The following RBFA variants were observed in gnomAD, a reference collection of about 807,000 sequenced individuals.
The protein encoded by RBFA is putative ribosome-binding factor A, mitochondrial.
In RBFA, 16 loss-of-function variants were observed where a neutral mutation model predicts 27.9. That is an observed-to-expected ratio of 0.57 (90% CI 0.39 to 0.87). RBFA has a LOEUF of 0.87. RBFA is among the 40% of genes least tolerant of loss of function. RBFA has a pLI of 0.00. For missense variants in RBFA, 456 were observed against 432.1 expected, an observed-to-expected ratio of 1.06 and a Z score of -0.49; for synonymous variants, 181 against 181.0, an observed-to-expected ratio of 1.00 and a Z score of 0.00.
chr18:80,034,961 C>T (rs879013765), intron 1 of RBFA: 1 of 329,694 alleles, frequency 3.0e-6, no homozygotes, highest in South Asian at 3.8e-5. Flanking sequence ...AATTTCCTTG[C>T]TAATGTTGAC....
chr18:80,047,594 A>T lies in RBFA; in HGVS notation c.*1439A>T, dbSNP rs2052064935. Among the ~76,000 whole-genome samples, 1 of 152,250 alleles carries T rather than the reference A, an allele frequency of 6.6e-6. No homozygotes were observed. The highest frequency in any genetic ancestry group is 6.5e-5 in the Admixed American group (1 of 15,288). On this transcript the variant is annotated 3_prime_UTR_variant, in exon 7 of 7. Transcript: ENST00000306735. Reference sequence around the variant, plus strand: ...ACTCTACACTCTTATTTCCTATATCAGGATGGGGAGGCCACTACCTCAGGC... The same window carrying T: ...ACTCTACACTCTTATTTCCTATATCTGGATGGGGAGGCCACTACCTCAGGC...
chr18:80,045,728 AGG>A, intron 6 of RBFA, 44 bp from the exon 7 acceptor site: 1 of 1,494,218 alleles, frequency 6.7e-7, no homozygotes, highest in Non-Finnish European at 8.9e-7. Context: ...ACTGTGGACT[AGG>A]GGCATGGTTT....
In RBFA at chr18:80,037,458, C is replaced by A. The variant is rs775229988; in HGVS notation, c.330C>A (p.Thr110=). 1.2e-6 allele frequency: 2 copies of A among 1,614,086 alleles called. No individual in the cohort carries two copies. The highest frequency in any genetic ancestry group is 1.1e-5 in the South Asian group (1 of 91,074). Reference sequence around the variant, plus strand: ...AGGCACTGACAGACCTGCTGTGTACCCCTGAAGTGAGTCAGGAGCTGTATG... The same window carrying A: ...AGGCACTGACAGACCTGCTGTGTACACCTGAAGTGAGTCAGGAGCTGTATG... ...LYKALTDLLC[T]PEVSQELYDL... is the part of the protein sequence containing the mutation. Residue 110 remains threonine, a synonymous_variant, in exon 3 of 7, where the codon ACC becomes ACA. Transcript: ENST00000306735.
chr18:80,044,353 A>G (rs1190248387), intron 6 of RBFA, 68 bp downstream of exon 6: 2 of 1,395,770 alleles, frequency 1.4e-6, no homozygotes, highest in Admixed American at 3.4e-5. Flanking sequence ...ACCATTTTCC[A>G]GAGCAGCTGC....
chr18:80,044,601 T>G (rs902293853), intron 6 of RBFA, among the ~76,000 whole-genome samples: 1 of 152,214 alleles, frequency 6.6e-6, no homozygotes. Flanking sequence ...GTCAAGCACT[T>G]AGGATGCAGC....
chr18:80,040,505 C>T (rs1378071234), intron 4 of RBFA, among the ~76,000 whole-genome samples: 1 of 152,062 alleles, frequency 6.6e-6, no homozygotes, highest in Non-Finnish European at 1.5e-5. Context: ...GCCTGAGCCT[C>T]CCAAAGTGTT....
chr18:80,034,478 G>A lies in RBFA; in HGVS notation c.-18G>A. 6.6e-7 allele frequency: 1 copy of A among 1,510,568 alleles called. No homozygotes were observed. Among genetic ancestry groups the A allele is most frequent in the Non-Finnish European group, 8.8e-7 (1 of 1,139,720 alleles). 93.6% of individuals were successfully genotyped at this position (1,510,568 alleles called of 1,614,324 possible). ...CGCCCGTTGTCTCCCTGCTCGCTCC[G>A]GGTCCCGGCGCCGCGCCATGTGGGC... On this transcript the variant is annotated 5_prime_UTR_variant, in exon 1 of 7. Transcript: ENST00000306735.
chr18:80,043,199 AAGTC>A (rs2052028268), intron 5 of RBFA, among the ~76,000 whole-genome samples: 1 of 152,192 alleles, frequency 6.6e-6, no homozygotes, highest in South Asian at 2.1e-4. Context: ...TACCTTCAAA[AAGTC>A]AGTCAAAAAT....
At chr18:80,034,682 C>A in intron 1 of RBFA, 29 bp downstream of exon 1, 1 of 1,603,706 alleles carries the variant, frequency 6.2e-7, no homozygotes, top group Non-Finnish European at 8.5e-7. Context: ...TGTCCCTGGG[C>A]GCGGTATTCC....
chr18:80,034,779 G>C (rs986038887), intron 1 of RBFA, 126 bp downstream of exon 1: 5 of 1,205,278 alleles, frequency 4.1e-6, no homozygotes, highest in Non-Finnish European at 5.8e-6. Context: ...CTGCCTCCTG[G>C]GGTCTGCAGC....
rs753063080 is a variant in RBFA, at chr18:80,046,023, G to A, written c.900G>A (p.Glu300=). The A allele has an allele frequency of 6.2e-7, 1 of 1,614,134 alleles. No homozygotes were observed. The highest frequency in any genetic ancestry group is 8.5e-7 in the Non-Finnish European group (1 of 1,180,040). The part of the protein sequence containing the change: ...SSLKSYLSGE[E]VEDDLDLVGA... Reference sequence around the variant, plus strand: ...TCAAGAGTTACCTGTCAGGCGAGGAGGTTGAAGATGACCTGGACCTGGTTG... The same window carrying A: ...TCAAGAGTTACCTGTCAGGCGAGGAAGTTGAAGATGACCTGGACCTGGTTG... The change falls in exon 7 of 7, where the codon GAG becomes GAA. Residue 300 remains glutamate, a synonymous_variant. Coordinates refer to ENST00000306735, the MANE Select transcript of RBFA (RefSeq NM_024805.3).
Position 80,047,560 on chromosome 18 carries a change from T to G in RBFA, c.*1405T>G, listed in dbSNP as rs2052064586. 6.6e-6 allele frequency: 1 copy of G among 152,220 alleles called. No homozygotes were observed. Among genetic ancestry groups the G allele is most frequent in the African/African-American group, 2.4e-5 (1 of 41,456 alleles). The allele number at this position is 152,220 out of a possible 1,614,324, so 9.4% of individuals were successfully genotyped here. The stretch of plus-strand genomic sequence containing the variant: ...TTTTCTTTTGAGATCTAGGAAATTA[T>G]TTGTTTATACTCTACACTCTTATTT... On this transcript the variant is annotated 3_prime_UTR_variant, in exon 7 of 7. Transcript: ENST00000306735.
rs2052060914 is a variant in RBFA, at chr18:80,047,138, G to A, written c.*983G>A. ...CTCCAAGCCCTGGCTCTCTGCCAGT[G>A]CAGCAGGGCTGTGAGAATCAAGACG... is the stretch of plus-strand genomic sequence containing the variant. On this transcript the variant is annotated 3_prime_UTR_variant, in exon 7 of 7. Transcript: ENST00000306735. The A allele has an allele frequency of 6.6e-6, 1 of 152,278 alleles. No homozygotes were observed. 9.4% of individuals were successfully genotyped at this position (152,278 alleles called of 1,614,324 possible).
In RBFA at chr18:80,034,524, G is replaced by T. The variant is rs758524288; in HGVS notation, c.29G>T (p.Arg10Leu). The change falls in exon 1 of 7, where the codon CGC becomes CTC. Residue 10 changes from arginine (R) to leucine (L), a missense_variant. Arg to Leu is a moderately radical substitution (Grantham distance 102). Coordinates refer to ENST00000306735, the MANE Select transcript of RBFA (RefSeq NM_024805.3). The part of the protein sequence containing the change: MWAAAGGLW[R>L]SRAGLRALFR... ...TGGGCTGCGGCGGGCGGGCTGTGGCGCTCCCGCGCGGGTCTCCGGGCCCTG... is the reference window on the plus strand; with the variant it reads ...TGGGCTGCGGCGGGCGGGCTGTGGCTCTCCCGCGCGGGTCTCCGGGCCCTG... The T allele has an allele frequency of 5.7e-6, 9 of 1,585,900 alleles. No individual in the cohort carries two copies. The Admixed American group carries it at 9.2e-5, about 16-fold the overall frequency.
In RBFA at chr18:80,034,600, C is replaced by G. The variant is rs2051961677; in HGVS notation, c.105C>G (p.His35Gln). ...ALFPGCERGLHCSAVSCKNWL... is the reference protein window; with the variant it reads ...ALFPGCERGLQCSAVSCKNWL... Reference sequence around the variant, plus strand: ...TTCCAGGCTGCGAGCGGGGACTTCACTGCTCTGCTGTCTCCTGCAAGAACT... The same window carrying G: ...TTCCAGGCTGCGAGCGGGGACTTCAGTGCTCTGCTGTCTCCTGCAAGAACT... The change falls in exon 1 of 7, where the codon CAC (histidine) becomes CAG (glutamine). Residue 35 changes from histidine to glutamine, a missense_variant. Physicochemically the swap from His to Gln is conservative, Grantham distance 24 (BLOSUM62 0). Transcript: ENST00000306735. 7 of 1,609,858 alleles carry G rather than the reference C, an allele frequency of 4.3e-6. No homozygotes were observed. The highest frequency in any genetic ancestry group is 5.9e-6 in the Non-Finnish European group (7 of 1,179,092).
intron 6 of RBFA, among the ~76,000 whole-genome samples, chr18:80,045,228 C>T (rs1453591629): frequency 1.4e-5 from 2 of 138,728 alleles, no homozygotes; most frequent in African/African-American, 5.3e-5. Context: ...GTTGCAAACG[C>T]TTTTTTTTTT....
intron 6 of RBFA, among the ~76,000 whole-genome samples, chr18:80,045,523 C>T (rs1368446949): frequency 6.6e-6 from 1 of 152,118 alleles, no homozygotes; most frequent in African/African-American, 2.4e-5. Flanking sequence ...CCGTGCCCGG[C>T]GCAAATGCAT....
At position 80,034,724 on chromosome 18, in the gene RBFA, C is replaced by T. The variant is rs1382677296; in HGVS notation, c.158+71C>T. The T allele has an allele frequency of 3.8e-6, 6 of 1,572,440 alleles. No homozygotes were observed. The East Asian group carries it at 7.3e-5, about 19-fold the overall frequency. ...GGCGGTGTCCCCGGGTTGCGGTGTC[C>T]GCTCATCCGCGTTCTTGCGCCCATG... On this transcript the variant is annotated intron_variant, in intron 1 of 6. Transcript: ENST00000306735.
intron 3 of RBFA, 58 bp from the exon 4 acceptor site, chr18:80,038,447 G>A (rs1242636090): frequency 2.6e-6 from 3 of 1,169,452 alleles, no homozygotes; most frequent in South Asian, 2.6e-5. Context: ...CCTGGATGTT[G>A]TTTGTCTTGA....
Sources: gnomAD v4.1 joint callset for allele counts (sites outside exome capture counted in the v4.1 genomes callset) on GRCh38, gnomAD v4.1.1 for gene constraint, MANE v1.5 for transcripts, NCBI Gene and HGNC (gene_info 2026-07-23, HGNC 2026-07-21) for gene names.